The following SPRED3 variants were observed in gnomAD, a reference collection of about 807,000 sequenced individuals.
SPRED3 encodes the protein sprouty-related, EVH1 domain-containing protein 3.
Under a neutral mutation model 37.6 loss-of-function variants are expected in SPRED3, and 23 were observed. That is an observed-to-expected ratio of 0.61 (90% CI 0.44 to 0.87). SPRED3 has a LOEUF of 0.87. Among genes scored for constraint, SPRED3 ranks in the 40% least tolerant of loss-of-function variants. SPRED3 has a pLI of 0.00. For missense variants in SPRED3, 584 were observed against 618.6 expected (o/e 0.94, Z 0.59); for synonymous variants, 302 against 279.6 (o/e 1.08, Z -0.80).
intron 2 of SPRED3, among the ~76,000 whole-genome samples, chr19:38,391,092 T>C (rs1970827201): frequency 6.6e-6 from 1 of 151,246 alleles, no homozygotes; most frequent in African/African-American, 2.4e-5. Context: ...GTGGAGGGAT[T>C]TGAAATGGAG....
In SPRED3 at chr19:38,395,440, CTG is replaced by C; in HGVS notation, c.568-39_568-38del. 7.2e-7 allele frequency: 1 copy of C among 1,389,658 alleles called. No individual in the cohort carries two copies. Among genetic ancestry groups the C allele is most frequent in the African/African-American group, 1.5e-5 (1 of 66,034 alleles). The allele number at this position is 1,389,658 out of a possible 1,614,324, so 86.1% of individuals were successfully genotyped here. On this transcript the variant is annotated intron_variant, in intron 5 of 5. Transcript: ENST00000691638. This position sits in a 1 kb window ranked among gnomAD's most constrained non-coding sequence, Gnocchi z 5.2. Reference sequence around the variant, plus strand: ...GGGAACTGGATCCTTGAGGCTAAGACTGGGATGGATTCTGATCTGTTTGTCCC... The same window carrying C: ...GGGAACTGGATCCTTGAGGCTAAGACGGATGGATTCTGATCTGTTTGTCCC...
chr19:38,394,375 C>A lies in SPRED3; in HGVS notation c.424-268C>A, dbSNP rs750417460. The stretch of plus-strand genomic sequence containing the variant: ...ACCATTTCCAGCTCTCCCAGTACTT[C>A]AGGCATATGCTGTGCCCTTGACAGT... On this transcript the variant is annotated intron_variant, in intron 4 of 5. Transcript: ENST00000691638. 1.9e-6 allele frequency: 3 copies of A among 1,585,996 alleles called. No individual in the cohort carries two copies. In the East Asian group the frequency reaches 7.0e-5, roughly 37 times the overall value.
Position 38,390,356 on chromosome 19 carries a change from G to A in SPRED3, c.54G>A (p.Trp18Ter). ...VMARDDSSGG[W>*]LPVGGGGLSQ... ...CCCGAGATGACTCCAGTGGGGGCTG[G>A]CTGCCTGTGGGGGGCGGGGGCCTCA... Residue 18 changes from tryptophan (W) to a stop codon, truncating the protein, a stop_gained, in exon 2 of 6, where the codon TGG becomes TGA. Coordinates refer to ENST00000691638, the MANE Select transcript of SPRED3 (RefSeq NM_001394336.1). LOFTEE classifies it high-confidence loss of function. 7.2e-7 allele frequency: 1 copy of A among 1,384,570 alleles called. No individual in the cohort carries two copies. Among genetic ancestry groups the A allele is most frequent in the Non-Finnish European group, 9.4e-7 (1 of 1,063,054 alleles). The allele number at this position is 1,384,570 out of a possible 1,614,324, so 85.8% of individuals were successfully genotyped here. A position where few individuals can be genotyped will look rare whatever the true frequency, so the allele number is the denominator to read the frequency against.
At position 38,395,419 on chromosome 19, in the gene SPRED3, A is replaced by C; in HGVS notation, c.568-61A>C. The C allele has an allele frequency of 7.5e-6, 10 of 1,338,248 alleles. No homozygotes were observed. Among genetic ancestry groups the C allele is most frequent in the East Asian group, 3.1e-5 (1 of 32,394 alleles). 82.9% of individuals were successfully genotyped at this position (1,338,248 alleles called of 1,614,324 possible). A position where few individuals can be genotyped will look rare whatever the true frequency, so the allele number is the denominator to read the frequency against. The stretch of plus-strand genomic sequence containing the variant: ...CCCAGACCCAAGAGTGCGCTAGGGA[A>C]CTGGATCCTTGAGGCTAAGACTGGG... On this transcript the variant is annotated intron_variant, in intron 5 of 5. Coordinates refer to ENST00000691638, the MANE Select transcript of SPRED3 (RefSeq NM_001394336.1). The surrounding 1 kb of genome is among the most constrained non-coding windows in gnomAD (Gnocchi z 5.2).
Position 38,390,399 on chromosome 19 carries a change from CG to C in SPRED3, c.100del (p.Val34SerfsTer33), listed in dbSNP as rs756469482. On this transcript the variant is annotated frameshift_variant, in exon 2 of 6. Coordinates refer to ENST00000691638, the MANE Select transcript of SPRED3 (RefSeq NM_001394336.1). LOFTEE classifies it high-confidence loss of function. ...GGGCCTCAGCCAGGTGAGCGTGTGT[CG>C]GGTCCGAGGGGCCAGGCCCGAGGGG... Reference protein sequence around the residue: ...GGGLSQVSVCRVRGARPEGGA... With the variant: ...GGGLSQVSVCXVRGARPEGGA... The C allele has an allele frequency of 7.2e-7, 1 of 1,385,876 alleles. No homozygotes were observed. The highest frequency in any genetic ancestry group is 2.8e-5 in the East Asian group (1 of 35,894). The allele number at this position is 1,385,876 out of a possible 1,614,324, so 85.8% of individuals were successfully genotyped here. A position where few individuals can be genotyped will look rare whatever the true frequency, so the allele number is the denominator to read the frequency against.
At chr19:38,390,218 G>C in intron 1 of SPRED3, 81 bp from the exon 2 acceptor site, 1 of 1,277,882 alleles carries the variant, frequency 7.8e-7, no homozygotes, top group South Asian at 3.1e-5. Flanking sequence ...GGGGAGATGA[G>C]GGTTGAGGGA....
intron 5 of SPRED3, among the ~76,000 whole-genome samples, chr19:38,394,993 C>T (rs1342542816): frequency 6.6e-6 from 1 of 152,180 alleles, no homozygotes; most frequent in African/African-American, 2.4e-5. Context: ...TGCGGGCCTC[C>T]CGAGTCTCCT....
chr19:38,392,605 A>T, intron 4 of SPRED3: 3 of 233,830 alleles, frequency 1.3e-5, no homozygotes, highest in Non-Finnish European at 2.4e-5. Context: ...GCAGAAAATT[A>T]AAAAAAATAT....
Position 38,390,458 on chromosome 19 carries a change from G to A in SPRED3, c.156G>A (p.Gly52=). ...GCCAGGGGCACTACGTCATCCACGG[G>A]GAACGCCTCCGGGACCAGAAAGTGA... is the stretch of plus-strand genomic sequence containing the variant. The part of the protein sequence containing the change: ...GARQGHYVIH[G]ERLRDQKTTL... Residue 52 remains glycine (G), a synonymous_variant, in exon 2 of 6, where the codon GGG becomes GGA. Coordinates refer to ENST00000691638, the MANE Select transcript of SPRED3 (RefSeq NM_001394336.1). 1.4e-6 allele frequency: 2 copies of A among 1,387,766 alleles called. No homozygotes were observed. Among genetic ancestry groups the A allele is most frequent in the Non-Finnish European group, 9.4e-7 (1 of 1,068,436 alleles). 86.0% of individuals were successfully genotyped at this position (1,387,766 alleles called of 1,614,324 possible).
intron 5 of SPRED3, 78 bp downstream of exon 5, chr19:38,394,864 C>G (rs564571880): frequency 2.0e-5 from 29 of 1,437,198 alleles, no homozygotes; most frequent in Non-Finnish European, 2.6e-5. Context: ...AGCCATGGCC[C>G]GGGGAGGTGG....
intron 5 of SPRED3, 63 bp downstream of exon 5, chr19:38,394,849 G>A: frequency 6.8e-7 from 1 of 1,461,076 alleles, no homozygotes. Context: ...CCCGAAGGGA[G>A]CGGGAGCCAT....
Position 38,392,302 on chromosome 19 carries a change from A to T in SPRED3, c.423+14A>T. 6.6e-7 allele frequency: 1 copy of T among 1,523,218 alleles called. No homozygotes were observed. Among genetic ancestry groups the T allele is most frequent in the South Asian group, 1.3e-5 (1 of 79,378 alleles). 94.4% of individuals were successfully genotyped at this position (1,523,218 alleles called of 1,614,324 possible). A position where few individuals can be genotyped will look rare whatever the true frequency, so the allele number is the denominator to read the frequency against. On this transcript the variant is annotated intron_variant, in intron 4 of 5. Coordinates refer to ENST00000691638, the MANE Select transcript of SPRED3 (RefSeq NM_001394336.1). ...TGCCCTCTGACGGTGAGTGTCCAGG[A>T]TGCCTCTCTGCTGGGGGAGGGTAGG...
chr19:38,392,226 TC>T lies in SPRED3; in HGVS notation c.363del (p.Ser122ProfsTer19). 1.1e-6 allele frequency: 1 copy of T among 896,360 alleles called. No homozygotes were observed. Among genetic ancestry groups the T allele is most frequent in the Non-Finnish European group, 1.5e-6 (1 of 676,716 alleles). The allele number at this position is 896,360 out of a possible 1,614,324, so 55.5% of individuals were successfully genotyped here. ...CCCTGCCCCAGGCTCACTCACCCCCTCCTCCTCCTCCTCCTCCTCCTCTCCT... is the reference window on the plus strand; with the variant it reads ...CCCTGCCCCAGGCTCACTCACCCCCTCTCCTCCTCCTCCTCCTCCTCTCCT... ...AALGRGSLTP[S>X]SSSSSSSPSQ... On this transcript the variant is annotated frameshift_variant, in exon 4 of 6. Transcript: ENST00000691638. LOFTEE classifies it high-confidence loss of function.
intron 5 of SPRED3, 48 bp downstream of exon 5, chr19:38,394,834 CG>C: frequency 6.7e-7 from 1 of 1,488,834 alleles, no homozygotes. Flanking sequence ...GCGGTGCACT[CG>C]GGGCCCGAAG....
At position 38,399,315 on chromosome 19, in the gene SPRED3, C is replaced by A. The variant is rs1467717716; in HGVS notation, c.*3170C>A. 6.6e-6 allele frequency: 1 copy of A among 152,306 alleles called. No individual in the cohort carries two copies. The highest frequency in any genetic ancestry group is 1.5e-5 in the Non-Finnish European group (1 of 68,124). 9.4% of individuals were successfully genotyped at this position (152,306 alleles called of 1,614,324 possible). A position where few individuals can be genotyped will look rare whatever the true frequency, so the allele number is the denominator to read the frequency against. On this transcript the variant is annotated 3_prime_UTR_variant, in exon 6 of 6. Coordinates refer to ENST00000691638, the MANE Select transcript of SPRED3 (RefSeq NM_001394336.1). ...CAAATCAGGGGTACATGGAGGGCCG[C>A]CCTGGGAGCCAGGCAGACCTCAGAC...
rs1375177618 is a variant in SPRED3, at chr19:38,395,070, A to G, written c.567+284A>G. On this transcript the variant is annotated intron_variant, in intron 5 of 5. Transcript: ENST00000691638. This position sits in a 1 kb window ranked among gnomAD's most constrained non-coding sequence, Gnocchi z 5.2. ...GTTTAGGACCATTTTCAGAGTGTATATTTGGGGAACTCCTGGAAGAGGACT... is the reference window on the plus strand; with the variant it reads ...GTTTAGGACCATTTTCAGAGTGTATGTTTGGGGAACTCCTGGAAGAGGACT... Among the ~76,000 whole-genome samples the G allele has an allele frequency of 6.6e-6, 1 of 152,030 alleles. No homozygotes were observed. Among genetic ancestry groups the G allele is most frequent in the Non-Finnish European group, 1.5e-5 (1 of 68,012 alleles).
Position 38,395,541 on chromosome 19 carries a change from CA to C in SPRED3, c.630del (p.Gly212AlafsTer36). The C allele has an allele frequency of 1.3e-6, 2 of 1,548,002 alleles. No homozygotes were observed. On this transcript the variant is annotated frameshift_variant, in exon 6 of 6. Transcript: ENST00000691638. LOFTEE classifies it high-confidence loss of function. The surrounding 1 kb of genome is among the most constrained non-coding windows in gnomAD (Gnocchi z 5.2). ...GAACCCTCAGAGCCCCTGGCAGGGG[CA>C]GGGGGCCTGGGGTGGGGCGGCCGCG... Reference protein sequence around the residue: ...IPEPSEPLAGAGGLGWGGRGY... With the variant: ...IPEPSEPLAGXGGLGWGGRGY...
In SPRED3 at chr19:38,395,885, CTGGTGCGCCGTCTAAGCTGCCTG is replaced by C; in HGVS notation, c.984_1006del (p.Leu329GlufsTer83). The C allele has an allele frequency of 6.7e-7, 1 of 1,501,714 alleles. No individual in the cohort carries two copies. The highest frequency in any genetic ancestry group is 2.1e-5 in the Admixed American group (1 of 46,962). The allele number at this position is 1,501,714 out of a possible 1,614,324, so 93.0% of individuals were successfully genotyped here. ...AGAGGCCCCGGACCCGGGTCGCCTC[CTGGTGCGCCGTCTAAGCTGCCTG>C]TGGTGCGCCGAGAGCTTGCTCTACC... On this transcript the variant is annotated frameshift_variant, in exon 6 of 6. Transcript: ENST00000691638. LOFTEE classifies it high-confidence loss of function. This position sits in a 1 kb window ranked among gnomAD's most constrained non-coding sequence, Gnocchi z 5.2.
rs752009604 is a variant in SPRED3, at chr19:38,396,975, A to G, written c.*830A>G. 2.0e-5 allele frequency: 3 copies of G among 152,126 alleles called. No homozygotes were observed. The highest frequency in any genetic ancestry group is 4.4e-5 in the Non-Finnish European group (3 of 68,020). 9.4% of individuals were successfully genotyped at this position (152,126 alleles called of 1,614,324 possible). A position where few individuals can be genotyped will look rare whatever the true frequency, so the allele number is the denominator to read the frequency against. On this transcript the variant is annotated 3_prime_UTR_variant, in exon 6 of 6. Transcript: ENST00000691638. The stretch of plus-strand genomic sequence containing the variant: ...TGGGAGACCCATCCCAGAGCCCCCA[A>G]GATCCAGATATCAGACACCAAGATG...
Sources: allele counts gnomAD v4.1 joint callset (sites outside exome capture counted in the v4.1 genomes callset), GRCh38; gene constraint gnomAD v4.1.1; non-coding constraint Gnocchi (gnomAD v3.1); transcripts MANE v1.5; gene names NCBI Gene and HGNC (gene_info 2026-07-23, HGNC 2026-07-21).